Variants in KLHL25 observed in about 807,000 individuals in gnomAD.
KLHL25 encodes kelch like family member 25.
KLHL25 carries 41 observed loss-of-function variants against 30.0 expected under a neutral mutation model. That is an observed-to-expected ratio of 1.37 (90% CI 1.07 to 1.78). The LOEUF is 1.78. Ranked by LOEUF, KLHL25 falls within the 40% of genes most tolerant of loss-of-function variation. The probability of loss-of-function intolerance (pLI) is 0.00; values close to 1 mark genes in which losing one functional copy is unlikely to be tolerated. For missense variants in KLHL25, 971 were observed against 824.5 expected (o/e 1.18, Z -2.18); for synonymous variants, 399 against 355.3 (o/e 1.12, Z -1.38).
In KLHL25 at chr15:85,759,622, T is replaced by C. The variant is rs3743335; in HGVS notation, c.*1414A>G. On this transcript the variant is annotated 3_prime_UTR_variant, in exon 3 of 3. Transcript: ENST00000337975. ...TGCAGCCAGTGCCCCATGGCGGGCG[T>C]GTCAGTGGGCAAACCCTGCCCAAAG... 31,537 of 152,168 alleles carry C rather than the reference T, an allele frequency of 0.21. 3,394 individuals carry two copies. The highest frequency in any genetic ancestry group is 0.35 in the East Asian group (1,798 of 5,162). The allele number at this position is 152,168 out of a possible 1,614,324, so 9.4% of individuals were successfully genotyped here.
chr15:85,774,594 C>T (rs768694841), intron 1 of KLHL25, among the ~76,000 whole-genome samples: 12 of 152,170 alleles, frequency 7.9e-5, no homozygotes, highest in African/African-American at 2.4e-4. Flanking sequence ...CTGCTTTTTC[C>T]GTGCCAGTCT....
At chr15:85,774,100 C>T (rs917825022) in intron 1 of KLHL25, among the ~76,000 whole-genome samples, 1 of 152,130 alleles carries the variant, frequency 6.6e-6, no homozygotes, top group Non-Finnish European at 1.5e-5. Context: ...AGGCTCCCAG[C>T]GGCGGGGGGT....
intron 1 of KLHL25, among the ~76,000 whole-genome samples, chr15:85,783,495 T>A (rs1453652276): frequency 1.3e-5 from 2 of 151,840 alleles, no homozygotes; most frequent in Non-Finnish European, 2.9e-5. Context: ...AATTCAAGAC[T>A]AGCCTGGTCA....
At chr15:85,788,416 T>C (rs1292444999) in intron 1 of KLHL25, among the ~76,000 whole-genome samples, 1 of 152,170 alleles carries the variant, frequency 6.6e-6, no homozygotes, top group African/African-American at 2.4e-5. Context: ...TTTTTGTCAG[T>C]CTGTTGTCTG....
chr15:85,775,760 C>T (rs911960742), intron 1 of KLHL25, among the ~76,000 whole-genome samples: 1 of 151,556 alleles, frequency 6.6e-6, no homozygotes, highest in East Asian at 1.9e-4. Context: ...GTAGGATGCA[C>T]CAGCCACCCG....
intron 1 of KLHL25, among the ~76,000 whole-genome samples, chr15:85,784,033 G>C (rs1162934281): frequency 1.3e-5 from 2 of 152,182 alleles, no homozygotes; most frequent in African/African-American, 4.8e-5. Context: ...AATTTTGCTT[G>C]ATTCATGACA....
intron 1 of KLHL25, among the ~76,000 whole-genome samples, chr15:85,776,621 C>A (rs1030678398): frequency 3.3e-5 from 5 of 151,942 alleles, no homozygotes; most frequent in African/African-American, 4.8e-5. Context: ...TTTGTTTCAT[C>A]TTTTTATTGT....
chr15:85,778,135 C>T (rs920182404), intron 1 of KLHL25, among the ~76,000 whole-genome samples: 18 of 152,198 alleles, frequency 1.2e-4, no homozygotes, highest in African/African-American at 3.1e-4. Flanking sequence ...TCATCAATCC[C>T]ACTCCTAGGA....
chr15:85,786,990 G>C (rs1413066112), intron 1 of KLHL25, among the ~76,000 whole-genome samples: 1 of 152,162 alleles, frequency 6.6e-6, no homozygotes, highest in African/African-American at 2.4e-5. Context: ...AGACCAATAA[G>C]AGGCAGAACC....
chr15:85,794,399 C>G (rs1177365610), intron 1 of KLHL25, among the ~76,000 whole-genome samples: 1 of 152,246 alleles, frequency 6.6e-6, no homozygotes, highest in Non-Finnish European at 1.5e-5. Flanking sequence ...CAAGCAGTCT[C>G]TCTTTCCAGG....
intron 1 of KLHL25, among the ~76,000 whole-genome samples, chr15:85,780,839 G>T (rs990076000): frequency 1.3e-5 from 2 of 152,172 alleles, no homozygotes; most frequent in African/African-American, 2.4e-5. Flanking sequence ...AATGACAAAT[G>T]CATGTGCCCT....
chr15:85,787,307 G>C (rs1043228565), intron 1 of KLHL25, among the ~76,000 whole-genome samples: 2 of 152,130 alleles, frequency 1.3e-5, no homozygotes, highest in Admixed American at 6.6e-5. Context: ...TTAGCTGGGC[G>C]TGGTGGCGCT....
chr15:85,772,410 G>T (rs1187796272), intron 1 of KLHL25, among the ~76,000 whole-genome samples: 1 of 152,272 alleles, frequency 6.6e-6, no homozygotes, highest in African/African-American at 2.4e-5. Context: ...CTGCCAGAGG[G>T]GAGGCTGGTT....
chr15:85,785,484 C>T (rs1245110771), intron 1 of KLHL25, among the ~76,000 whole-genome samples: 1 of 152,094 alleles, frequency 6.6e-6, no homozygotes, highest in Non-Finnish European at 1.5e-5. Context: ...ACCTTCTGGG[C>T]AGTCAGAACT....
intron 1 of KLHL25, among the ~76,000 whole-genome samples, chr15:85,787,152 T>G (rs1162065990): frequency 2.8e-5 from 2 of 71,730 alleles, no homozygotes; most frequent in African/African-American, 5.6e-5. Context: ...GTGGATAACA[T>G]CAAAAATTTG....
chr15:85,769,472 G>A lies in KLHL25; in HGVS notation c.339C>T (p.Asn113=), dbSNP rs376662836. 123 of 1,613,898 alleles carry A rather than the reference G, an allele frequency of 7.6e-5. No homozygotes were observed. In the South Asian group the frequency reaches 8.5e-4, roughly 11 times the overall value. The change falls in exon 2 of 3, where the codon AAC becomes AAT. Residue 113 remains asparagine (N), a synonymous_variant. Coordinates refer to ENST00000337975, the MANE Select transcript of KLHL25 (RefSeq NM_022480.4). ...CCAGCAGTGACTCAGCGTTCTCCTC[G>A]TTGATGGCGATGCGTGAGGAGTAGG... The part of the protein sequence containing the change: ...DFAYSSRIAI[N]EENAESLLEA...
At chr15:85,782,036 C>G (rs1174635806) in intron 1 of KLHL25, among the ~76,000 whole-genome samples, 1 of 151,680 alleles carries the variant, frequency 6.6e-6, no homozygotes, top group East Asian at 1.9e-4. Context: ...CCCACAGGAC[C>G]ACCTCATCCT....
At chr15:85,793,829 C>G (rs796930853) in intron 1 of KLHL25, among the ~76,000 whole-genome samples, 5 of 152,238 alleles carry the variant, frequency 3.3e-5, no homozygotes, top group African/African-American at 1.2e-4. Flanking sequence ...TCACCGGGAT[C>G]CAGCAGGACC....
chr15:85,793,769 C>A (rs538106293), intron 1 of KLHL25, among the ~76,000 whole-genome samples: 1 of 152,290 alleles, frequency 6.6e-6, no homozygotes, highest in East Asian at 1.9e-4. Flanking sequence ...ATTCTCTGCC[C>A]TGACTACCGA....
Sources: allele counts gnomAD v4.1 joint callset (sites outside exome capture counted in the v4.1 genomes callset), GRCh38; gene constraint gnomAD v4.1.1; transcripts MANE v1.5; gene names NCBI Gene and HGNC (gene_info 2026-07-23, HGNC 2026-07-21).